TMA7: variants seen among roughly 807,000 people sequenced by gnomAD.
TMA7 encodes the protein translation machinery associated 7 homolog.
In TMA7, 5 loss-of-function variants were observed where a neutral mutation model predicts 12.5. That is an observed-to-expected ratio of 0.40 (90% CI 0.21 to 0.84). TMA7 has a LOEUF of 0.84. Ranked by LOEUF, TMA7 falls within the 40% of genes least tolerant of loss-of-function variation. The pLI is 0.36. For missense variants in TMA7, 71 were observed against 75.4 expected (o/e 0.94, Z 0.22); for synonymous variants, 36 against 28.1 (o/e 1.28, Z -0.89).
intron 3 of TMA7, among the ~76,000 whole-genome samples, chr3:48,441,617 G>A (rs1364265537): frequency 6.6e-6 from 1 of 151,984 alleles, no homozygotes; most frequent in Non-Finnish European, 1.5e-5. Flanking sequence ...TGCTCCATAT[G>A]CTTTTCTAAC....
chr3:48,440,615 G>T lies in TMA7; in HGVS notation c.147G>T (p.Gly49=). ...AGGAGCTAAAAGCGAAGGCCGCGGG[G>T]AAGGGGCCCTTGGGTAAGTGGGGGC... ...KLEELKAKAA[G]KGPLATGGIK... is the part of the protein sequence containing the mutation. The change falls in exon 3 of 4, where the codon GGG becomes GGT. Residue 49 remains glycine (G), a synonymous_variant. Coordinates refer to ENST00000438607, the MANE Select transcript of TMA7 (RefSeq NM_015933.6). 1.5e-5 allele frequency: 24 copies of T among 1,611,510 alleles called. No homozygotes were observed. The highest frequency in any genetic ancestry group is 1.9e-5 in the Non-Finnish European group (22 of 1,179,688).
At chr3:48,443,343 T>C (rs1311059779) in intron 3 of TMA7, among the ~76,000 whole-genome samples, 1 of 150,654 alleles carries the variant, frequency 6.6e-6, no homozygotes, top group African/African-American at 2.4e-5. Flanking sequence ...AGGTCAGGAG[T>C]TCGAGACCAG....
chr3:48,443,239 TCC>T (rs1489564930), intron 3 of TMA7, among the ~76,000 whole-genome samples: 1 of 39,716 alleles, frequency 2.5e-5, no homozygotes, highest in Admixed American at 3.5e-4. Flanking sequence ...AGACTCCATC[TCC>T]AAAAAAAAAA....
intron 3 of TMA7, among the ~76,000 whole-genome samples, chr3:48,442,162 C>G (rs1233876277): frequency 6.6e-6 from 1 of 150,922 alleles, no homozygotes; most frequent in Admixed American, 6.6e-5. Context: ...CCCAGGAGTT[C>G]AAGGTAAGAG....
chr3:48,440,897 C>G (rs551952700), intron 3 of TMA7: 5 of 536,342 alleles, frequency 9.3e-6, no homozygotes, highest in Non-Finnish European at 1.3e-5. Flanking sequence ...GTATTTACCT[C>G]AGACGCAGAT....
intron 3 of TMA7, among the ~76,000 whole-genome samples, chr3:48,443,498 C>T (rs543217347): frequency 1.9e-4 from 28 of 150,576 alleles, no homozygotes; most frequent in Non-Finnish European, 3.2e-4. Flanking sequence ...CGTGCCACTG[C>T]ACTGCAGCCT....
intron 3 of TMA7, among the ~76,000 whole-genome samples, chr3:48,441,760 AT>A (rs1419450663): frequency 6.6e-6 from 1 of 152,154 alleles, no homozygotes; most frequent in Non-Finnish European, 1.5e-5. Flanking sequence ...ACTAGTGATT[AT>A]TTCCTCCACA....
rs909631628 is a variant in TMA7 at position 48,444,155 on chromosome 3, T to C, written c.*273T>C. ...TTGCCAGAGTCTGTTCTTTGGTCCTTGTTCTACCCTAAACTTTGTATCACC... is the reference window on the plus strand; with the variant it reads ...TTGCCAGAGTCTGTTCTTTGGTCCTCGTTCTACCCTAAACTTTGTATCACC... On this transcript the variant is annotated 3_prime_UTR_variant, in exon 4 of 4. Coordinates refer to ENST00000438607, the MANE Select transcript of TMA7 (RefSeq NM_015933.6). 1 of 319,902 alleles carries C rather than the reference T, an allele frequency of 3.1e-6. No individual in the cohort carries two copies. The allele number at this position is 319,902 out of a possible 1,614,324, so 19.8% of individuals were successfully genotyped here.
chr3:48,440,352 G>A (rs775498178), intron 1 of TMA7, 40 bp downstream of exon 1: 2 of 1,611,808 alleles, frequency 1.2e-6, no homozygotes, highest in Non-Finnish European at 1.7e-6. Flanking sequence ...GGGACGGCGG[G>A]GTGGGGACCG....
intron 3 of TMA7, among the ~76,000 whole-genome samples, chr3:48,441,973 A>G (rs1156827004): frequency 6.6e-6 from 1 of 152,236 alleles, no homozygotes; most frequent in African/African-American, 2.4e-5. Context: ...GAATGGGCTG[A>G]CCATAATCCA....
chr3:48,441,640 C>G (rs540083992), intron 3 of TMA7, among the ~76,000 whole-genome samples: 3 of 152,158 alleles, frequency 2.0e-5, no homozygotes, highest in African/African-American at 7.2e-5. Context: ...AATCCTCCAC[C>G]TTTTTTACAT....
rs2039621245 is a variant in TMA7, at chr3:48,443,869, C to T, written c.182C>T (p.Ser61Phe). ...GPLATGGIKK[S>F]GKK ...GCAGCCACAGGTGGAATTAAGAAAT[C>T]TGGCAAAAAGTAAGCTGTTCCTTGT... Residue 61 changes from serine (S) to phenylalanine (F), a missense_variant, in exon 4 of 4, where the codon TCT becomes TTT. By Grantham distance (155) the Ser-to-Phe change is radical. Coordinates refer to ENST00000438607, the MANE Select transcript of TMA7 (RefSeq NM_015933.6). 1 of 1,560,644 alleles carries T rather than the reference C, an allele frequency of 6.4e-7. No individual in the cohort carries two copies. The highest frequency in any genetic ancestry group is 2.1e-5 in the Admixed American group (1 of 46,930).
At chr3:48,442,144 C>G (rs553609691) in intron 3 of TMA7, among the ~76,000 whole-genome samples, 66 of 152,012 alleles carry the variant, frequency 4.3e-4, no homozygotes, top group African/African-American at 1.5e-3. Flanking sequence ...GAGGCAGCCT[C>G]GCTTAAGCCC....
chr3:48,442,523 C>G (rs901384619), intron 3 of TMA7, among the ~76,000 whole-genome samples: 2 of 150,094 alleles, frequency 1.3e-5, no homozygotes, highest in Non-Finnish European at 2.9e-5. Context: ...ATGATCTCAG[C>G]TCACTGCAGC....
At chr3:48,442,273 A>AG (rs2039588760) in intron 3 of TMA7, among the ~76,000 whole-genome samples, 1 of 149,682 alleles carries the variant, frequency 6.7e-6, no homozygotes, top group Non-Finnish European at 1.5e-5. Flanking sequence ...AAAAAAAAAA[A>AG]AAAAAAGGTA....
chr3:48,441,485 C>T (rs1284832072), intron 3 of TMA7, among the ~76,000 whole-genome samples: 4 of 145,488 alleles, frequency 2.7e-5, no homozygotes, highest in African/African-American at 1.0e-4. Context: ...ACCTGGCCAA[C>T]TTTTTTTTTT....
At chr3:48,442,352 AGTT>A (rs969274886) in intron 3 of TMA7, among the ~76,000 whole-genome samples, 1 of 150,462 alleles carries the variant, frequency 6.6e-6, no homozygotes, top group Admixed American at 6.6e-5. Context: ...ACTCTATGCT[AGTT>A]GTTTCTCATT....
intron 3 of TMA7, chr3:48,440,997 TGACTTA>T: frequency 3.3e-6 from 1 of 304,466 alleles, no homozygotes; most frequent in African/African-American, 2.2e-5. Flanking sequence ...GAACCTTACT[TGACTTA>T]GAAGTTTTTT....
At chr3:48,440,502 G>C (rs747450492) in intron 2 of TMA7, 39 bp from the exon 3 acceptor site, 3 of 1,604,632 alleles carry the variant, frequency 1.9e-6, no homozygotes, top group African/African-American at 1.3e-5. Context: ...GGGGCGCTGG[G>C]AGACAGGCCT....
Sources: gnomAD v4.1 joint callset for allele counts (sites outside exome capture counted in the v4.1 genomes callset) on GRCh38, gnomAD v4.1.1 for gene constraint, MANE v1.5 for transcripts, NCBI Gene and HGNC (gene_info 2026-07-23, HGNC 2026-07-21) for gene names.